The following ZBTB20 variants were observed in gnomAD, a reference collection of about 807,000 sequenced individuals.
ZBTB20 encodes the protein zinc finger and BTB domain containing 20, also known as zinc finger and BTB domain-containing protein 20.
ZBTB20 carries 9 observed loss-of-function variants against 56.9 expected under a neutral mutation model. The ratio of observed to expected loss-of-function variants is 0.16; its 90% CI spans 0.10 to 0.28. The LOEUF (loss-of-function observed/expected upper bound fraction) is 0.28. ZBTB20 is among the 10% of genes least tolerant of loss of function. The pLI is 1.00. For synonymous variants in ZBTB20, 417 were observed against 420.7 expected, an observed-to-expected ratio of 0.99 and a Z score of 0.11; for missense variants, 655 against 1,003.0, an observed-to-expected ratio of 0.65 and a Z score of 4.69.
rs1010792442 is a variant in ZBTB20, at chr3:114,317,292, T to C, written c.*21713A>G. On this transcript the variant is annotated 3_prime_UTR_variant, in exon 12 of 12. Transcript: ENST00000675478. ...TTGTGTGTACCTAAAGTGTGTCAAA[T>C]ACAGTCTCTGAAAGGAACTCGAGGC... 1 of 152,162 alleles carries C rather than the reference T, an allele frequency of 6.6e-6. No individual in the cohort carries two copies. The highest frequency in any genetic ancestry group is 1.5e-5 in the Non-Finnish European group (1 of 68,028). 9.4% of individuals were successfully genotyped at this position (152,162 alleles called of 1,614,324 possible). A position where few individuals can be genotyped will look rare whatever the true frequency, so the allele number is the denominator to read the frequency against.
chr3:114,485,022 T>G (rs1430167689), intron 7 of ZBTB20, among the ~76,000 whole-genome samples: 1 of 152,148 alleles, frequency 6.6e-6, no homozygotes, highest in African/African-American at 2.4e-5. Flanking sequence ...AGGATTGATT[T>G]GGTAGCTTTT....
At position 114,962,757 on chromosome 3, in the gene ZBTB20, A is replaced by G. The variant is rs568675625; in HGVS notation, c.-456+11609T>C. On this transcript the variant is annotated intron_variant, in intron 3 of 11. Coordinates refer to ENST00000675478, the MANE Select transcript of ZBTB20 (RefSeq NM_001348800.3). ...CAAACCAAAAAACATTTATATAGTC[A>G]TTATAATCAATTTCATAAATAAAAG... Among the ~76,000 whole-genome samples, 11 of 152,282 alleles carry G rather than the reference A, an allele frequency of 7.2e-5. No homozygotes were observed. In the South Asian group the frequency reaches 1.9e-3, roughly 26 times the overall value.
chr3:114,427,132 A>T (rs1160876653), intron 7 of ZBTB20, among the ~76,000 whole-genome samples: 1 of 152,256 alleles, frequency 6.6e-6, no homozygotes, highest in Non-Finnish European at 1.5e-5. Context: ...AAGACTATGA[A>T]CATAAATATT....
At chr3:114,792,194 T>C (rs1317102041) in intron 5 of ZBTB20, 2 of 152,184 alleles carry the variant, frequency 1.3e-5, no homozygotes, top group African/African-American at 4.8e-5. Context: ...GAACAAAACA[T>C]TGAACCAGAA....
Position 114,938,291 on chromosome 3 carries a change from G to A in ZBTB20, c.-456+36075C>T, listed in dbSNP as rs538527079. ...TCTTTAGTTTAATTAGATCCCATTT[G>A]TCATTTTGGCTTTTGTTGCCATTGC... On this transcript the variant is annotated intron_variant, in intron 3 of 11. Coordinates refer to ENST00000675478, the MANE Select transcript of ZBTB20 (RefSeq NM_001348800.3). Among the ~76,000 whole-genome samples, 107 of 146,024 alleles carry A rather than the reference G, an allele frequency of 7.3e-4. 2 individuals carry two copies. Among genetic ancestry groups the A allele is most frequent in the Non-Finnish European group, 1.3e-3 (87 of 67,954 alleles).
chr3:114,847,568 T>TAGGC (rs2074774396), intron 4 of ZBTB20, among the ~76,000 whole-genome samples: 1 of 152,178 alleles, frequency 6.6e-6, no homozygotes, highest in Non-Finnish European at 1.5e-5. Flanking sequence ...ATCAAGGGCC[T>TAGGC]TTTCGTGGGA....
intron 6 of ZBTB20, chr3:114,624,854 T>C (rs2058561997): frequency 6.5e-6 from 1 of 152,736 alleles, no homozygotes; most frequent in South Asian, 2.1e-4. Context: ...GACTTGGTGA[T>C]GCGGTGTGTT....
Position 114,382,040 on chromosome 3 carries a change from A to G in ZBTB20, c.-153-1100T>C, listed in dbSNP as rs544984651. Among the ~76,000 whole-genome samples the G allele has an allele frequency of 1.3e-3, 196 of 152,348 alleles. 1 individual carries two copies. Among genetic ancestry groups the G allele is most frequent in the African/African-American group, 4.5e-3 (189 of 41,580 alleles). The stretch of plus-strand genomic sequence containing the variant: ...GATGTAGCCAAGATCAAAGTTGCTA[A>G]AGCCCAACTCCTTTATTAAAACCAA... On this transcript the variant is annotated intron_variant, in intron 8 of 11. Coordinates refer to ENST00000675478, the MANE Select transcript of ZBTB20 (RefSeq NM_001348800.3).
At chr3:114,602,824 G>A (rs528459063) in intron 6 of ZBTB20, among the ~76,000 whole-genome samples, 5 of 152,012 alleles carry the variant, frequency 3.3e-5, no homozygotes, top group East Asian at 1.9e-4. Flanking sequence ...TGTCACGGAC[G>A]AATTTTCTAT....
chr3:114,817,192 T>TACACACACACACACACAC (rs56294507), intron 4 of ZBTB20, among the ~76,000 whole-genome samples: 3 of 145,810 alleles, frequency 2.1e-5, no homozygotes, highest in African/African-American at 7.7e-5. Flanking sequence ...ATACAACTTA[T>TACACACACACACACACAC]ACACACACAC....
chr3:114,787,833 AGATAACACTGTT>A (rs1050201432), intron 5 of ZBTB20, among the ~76,000 whole-genome samples: 2 of 152,190 alleles, frequency 1.3e-5, no homozygotes, highest in Non-Finnish European at 2.9e-5. Context: ...ATTTGGTAAG[AGATAACACTGTT>A]GATGAAAAAG....
chr3:114,836,927 T>G (rs932270997), intron 4 of ZBTB20, among the ~76,000 whole-genome samples: 1 of 152,218 alleles, frequency 6.6e-6, no homozygotes. Context: ...CCATGACCAG[T>G]AAGTCTCTCC....
At chr3:114,948,719 CA>C (rs1195199874) in intron 3 of ZBTB20, among the ~76,000 whole-genome samples, 1 of 145,004 alleles carries the variant, frequency 6.9e-6, no homozygotes. Context: ...AAAATGATAC[CA>C]ATTACAAGAG....
chr3:114,389,352 C>T (rs573610051), intron 7 of ZBTB20, among the ~76,000 whole-genome samples: 20 of 152,166 alleles, frequency 1.3e-4, no homozygotes, highest in African/African-American at 4.6e-4. Flanking sequence ...CCTGTCAGTG[C>T]GGGCGGAGCT....
intron 1 of ZBTB20, among the ~76,000 whole-genome samples, chr3:115,080,959 C>T (rs1023617345): frequency 1.3e-5 from 2 of 152,072 alleles, no homozygotes; most frequent in African/African-American, 4.8e-5. Context: ...CATGCATAGA[C>T]AGGTCAATGG....
At chr3:114,637,780 A>G (rs1243117668) in intron 6 of ZBTB20, among the ~76,000 whole-genome samples, 1 of 152,054 alleles carries the variant, frequency 6.6e-6, no homozygotes, top group African/African-American at 2.4e-5. Flanking sequence ...AATATATAAC[A>G]TGTGTTCCTG....
At chr3:115,097,011 T>C (rs1346520701) in intron 1 of ZBTB20, among the ~76,000 whole-genome samples, 2 of 152,204 alleles carry the variant, frequency 1.3e-5, no homozygotes, top group Non-Finnish European at 2.9e-5. Flanking sequence ...AAAAAGTATC[T>C]GCAATTTTTG....
chr3:114,633,386 C>A (rs1041863570), intron 6 of ZBTB20, among the ~76,000 whole-genome samples: 27 of 152,216 alleles, frequency 1.8e-4, no homozygotes, highest in African/African-American at 6.0e-4. Context: ...TTTCTTGCTG[C>A]ATACATTCTA....
At chr3:115,067,370 T>C (rs939265383) in intron 2 of ZBTB20, among the ~76,000 whole-genome samples, 1 of 152,070 alleles carries the variant, frequency 6.6e-6, no homozygotes, top group Non-Finnish European at 1.5e-5. Flanking sequence ...TTGATCGAGT[T>C]AGTCAAATGT....
Sources: gnomAD v4.1 joint callset for allele counts (sites outside exome capture counted in the v4.1 genomes callset) on GRCh38, gnomAD v4.1.1 for gene constraint, MANE v1.5 for transcripts, NCBI Gene and HGNC (gene_info 2026-07-23, HGNC 2026-07-21) for gene names.